CD300LF: variants seen among roughly 807,000 people sequenced by gnomAD.
CD300LF encodes CD300 molecule like family member f.
CD300LF carries 27 observed loss-of-function variants against 32.2 expected under a neutral mutation model. The observed-to-expected ratio is 0.84, with a 90% confidence interval of 0.62 to 1.15. CD300LF has a LOEUF of 1.15. Among genes scored for constraint, CD300LF ranks in the 50% most tolerant of loss-of-function variants. The probability of loss-of-function intolerance (pLI) is 0.00; values close to 1 mark genes in which losing one functional copy is unlikely to be tolerated. For missense variants in CD300LF, 348 were observed against 356.8 expected (o/e 0.98, Z 0.20); for synonymous variants, 139 against 143.2 (o/e 0.97, Z 0.21).
intron 1 of CD300LF, among the ~76,000 whole-genome samples, chr17:74,707,179 C>T (rs1029206368): frequency 2.0e-5 from 3 of 152,100 alleles, no homozygotes; most frequent in African/African-American, 7.2e-5. Flanking sequence ...AAGGAAACAA[C>T]CAAGAGAATG....
intron 6 of CD300LF, 47 bp downstream of exon 6, chr17:74,695,678 T>C: frequency 6.2e-7 from 1 of 1,612,310 alleles, no homozygotes; most frequent in Non-Finnish European, 8.5e-7. Context: ...ACGGCAGGCC[T>C]GTGTCCCCCT....
chr17:74,706,042 T>C (rs1181842554), intron 1 of CD300LF, among the ~76,000 whole-genome samples: 1 of 151,938 alleles, frequency 6.6e-6, no homozygotes, highest in African/African-American at 2.4e-5. Context: ...GAGCTAAACA[T>C]TGGTTATGCA....
Position 74,712,894 on chromosome 17 carries a change from C to T in CD300LF, c.-28G>A. On this transcript the variant is annotated 5_prime_UTR_variant, in exon 1 of 7. Transcript: ENST00000326165. ...TCTCTTCAGACAGGTCCCCGTTCCC[C>T]TCAGTGGAGCCTGGCAGCAGGAACA... The T allele has an allele frequency of 1.2e-6, 2 of 1,612,912 alleles. No individual in the cohort carries two copies. Among genetic ancestry groups the T allele is most frequent in the Non-Finnish European group, 1.7e-6 (2 of 1,179,198 alleles).
chr17:74,701,140 T>G (rs1003038477), intron 3 of CD300LF, among the ~76,000 whole-genome samples: 1 of 152,252 alleles, frequency 6.6e-6, no homozygotes, highest in African/African-American at 2.4e-5. Context: ...TCTGAGGTAT[T>G]TTGTTAGGGG....
At chr17:74,702,998 G>A in intron 3 of CD300LF, 37 bp downstream of exon 3, 1 of 1,550,722 alleles carries the variant, frequency 6.4e-7, no homozygotes. Flanking sequence ...GAGGAGTTTG[G>A]GCCAAGTAGG....
chr17:74,697,048 T>G (rs896706266), intron 4 of CD300LF, among the ~76,000 whole-genome samples: 1 of 152,204 alleles, frequency 6.6e-6, no homozygotes, highest in Non-Finnish European at 1.5e-5. Context: ...TTCAAGCGAT[T>G]CTCCTGCCTT....
chr17:74,697,356 A>C (rs2032591984), intron 4 of CD300LF, among the ~76,000 whole-genome samples: 1 of 152,162 alleles, frequency 6.6e-6, no homozygotes, highest in Non-Finnish European at 1.5e-5. Context: ...GGGACAACAA[A>C]GAAATGGGGG....
chr17:74,706,280 A>AT (rs200263662), intron 1 of CD300LF, among the ~76,000 whole-genome samples: 2,309 of 148,762 alleles, frequency 0.016, 83 homozygotes, highest in Admixed American at 0.073. Flanking sequence ...AAGGAAAAAA[A>AT]AAATATATAT....
chr17:74,700,291 C>T (rs1337274658), intron 3 of CD300LF, among the ~76,000 whole-genome samples: 4 of 152,174 alleles, frequency 2.6e-5, no homozygotes, highest in African/African-American at 4.8e-5. Flanking sequence ...CGACTCACCC[C>T]TGCCTGCTTC....
At position 74,704,504 on chromosome 17, in the gene CD300LF, A is replaced by AC; in HGVS notation, c.355dup (p.Val119GlyfsTer8). On this transcript the variant is annotated frameshift_variant, in exon 2 of 7. Coordinates refer to ENST00000326165, the MANE Select transcript of CD300LF (RefSeq NM_139018.5). LOFTEE classifies it high-confidence loss of function. Reference sequence around the variant, plus strand: ...TGGGTCAATGGTCACTTGAACTGTGACCCCAAGGTCATTTCCAGTTTTCTC... The same window carrying AC: ...TGGGTCAATGGTCACTTGAACTGTGACCCCCAAGGTCATTTCCAGTTTTCTC... The AC allele has an allele frequency of 6.2e-7, 1 of 1,613,622 alleles. No homozygotes were observed. The highest frequency in any genetic ancestry group is 1.1e-5 in the South Asian group (1 of 91,036).
At chr17:74,705,623 G>A (rs758877990) in intron 1 of CD300LF, among the ~76,000 whole-genome samples, 6 of 150,252 alleles carry the variant, frequency 4.0e-5, no homozygotes, top group East Asian at 3.9e-4. Flanking sequence ...TCACTCTGTC[G>A]CCCAGGCTGG....
intron 4 of CD300LF, among the ~76,000 whole-genome samples, chr17:74,696,903 T>TGTTTG (rs72122986): frequency 0.11 from 15,662 of 146,848 alleles, 1,015 homozygotes; most frequent in South Asian, 0.14. Context: ...GGACCGATTT[T>TGTTTG]GTTTGGTTTG....
At chr17:74,699,325 G>C (rs2032819938) in intron 3 of CD300LF, among the ~76,000 whole-genome samples, 1 of 152,072 alleles carries the variant, frequency 6.6e-6, no homozygotes, top group South Asian at 2.1e-4. Flanking sequence ...AACACCTCCT[G>C]CCTCTACACC....
chr17:74,712,001 C>T (rs1289620850), intron 1 of CD300LF, among the ~76,000 whole-genome samples: 6 of 149,860 alleles, frequency 4.0e-5, no homozygotes, highest in Non-Finnish European at 8.9e-5. Context: ...AACTCCTGGG[C>T]TCAAGTGATC....
chr17:74,697,995 A>G (rs571328656), intron 4 of CD300LF, among the ~76,000 whole-genome samples: 2 of 152,110 alleles, frequency 1.3e-5, no homozygotes, highest in African/African-American at 4.8e-5. Flanking sequence ...ATGTCAGCTC[A>G]GTACCTCCTT....
At chr17:74,701,440 C>T (rs2033041441) in intron 3 of CD300LF, among the ~76,000 whole-genome samples, 1 of 152,146 alleles carries the variant, frequency 6.6e-6, no homozygotes, top group Non-Finnish European at 1.5e-5. Flanking sequence ...CGGGCACTTA[C>T]ATAAGGCTTC....
intron 3 of CD300LF, among the ~76,000 whole-genome samples, chr17:74,700,810 C>A (rs1442925472): frequency 3.9e-5 from 6 of 151,960 alleles, no homozygotes; most frequent in African/African-American, 1.5e-4. Flanking sequence ...ACACCACCAC[C>A]CCCCCACCCC....
intron 1 of CD300LF, 91 bp downstream of exon 1, chr17:74,712,733 A>T (rs892029740): frequency 1.5e-6 from 2 of 1,332,088 alleles, no homozygotes; most frequent in East Asian, 2.3e-5. Flanking sequence ...GCCATTAAGG[A>T]CACCTTCTGG....
At chr17:74,710,705 G>GAA (rs1263589772) in intron 1 of CD300LF, among the ~76,000 whole-genome samples, 20 of 90,602 alleles carry the variant, frequency 2.2e-4, no homozygotes, top group Admixed American at 5.4e-4. Flanking sequence ...CTAAAAATAC[G>GAA]AAAAAAAAAA....
Sources: gnomAD v4.1 joint callset for allele counts (sites outside exome capture counted in the v4.1 genomes callset) on GRCh38, gnomAD v4.1.1 for gene constraint, MANE v1.5 for transcripts, NCBI Gene and HGNC (gene_info 2026-07-23, HGNC 2026-07-21) for gene names.